Variants in LMO7 observed in about 807,000 individuals in gnomAD.
LMO7 encodes LIM domain 7, also known as LIM domain only protein 7.
A neutral mutation model predicts 206.5 loss-of-function variants in LMO7; 120 were observed. That is an observed-to-expected ratio of 0.58 (90% CI 0.50 to 0.68). The LOEUF is 0.68. Among genes scored for constraint, LMO7 ranks in the 30% least tolerant of loss-of-function variants. The probability of loss-of-function intolerance (pLI) is 0.00; values close to 1 mark genes in which losing one functional copy is unlikely to be tolerated. For missense variants in LMO7, 1,959 were observed against 1,957.9 expected (o/e 1.00, Z -0.01); for synonymous variants, 706 against 681.5 (o/e 1.04, Z -0.56).
intron 1 of LMO7, among the ~76,000 whole-genome samples, chr13:75,646,835 T>G (rs1319381492): frequency 1.3e-5 from 2 of 152,204 alleles, no homozygotes; most frequent in Non-Finnish European, 2.9e-5. Flanking sequence ...TATGTGTGCC[T>G]CAGCCTCCCA....
intron 1 of LMO7, among the ~76,000 whole-genome samples, chr13:75,666,935 A>G (rs1013053792): frequency 6.6e-6 from 1 of 152,192 alleles, no homozygotes; most frequent in Non-Finnish European, 1.5e-5. Flanking sequence ...TGGTGGCTCA[A>G]ATAGATCTAA....
At chr13:75,684,489 C>T (rs147841809) in intron 1 of LMO7, among the ~76,000 whole-genome samples, 1,592 of 151,688 alleles carry the variant, frequency 0.01, 34 homozygotes, top group East Asian at 0.097. Flanking sequence ...AGGTGATCCG[C>T]CCTCCTTGGC....
At chr13:75,677,207 C>T (rs1394413967) in intron 1 of LMO7, among the ~76,000 whole-genome samples, 1 of 152,096 alleles carries the variant, frequency 6.6e-6, no homozygotes. Flanking sequence ...CATGGACCAT[C>T]CTCTACAAAA....
chr13:75,632,630 A>T (rs2035090867), upstream of LMO7, among the ~76,000 whole-genome samples: 1 of 152,242 alleles, frequency 6.6e-6, no homozygotes, highest in Non-Finnish European at 1.5e-5. Context: ...CAGATCCCCA[A>T]GGCTGTGCAC....
chr13:75,705,086 G>C (rs2042558651), intron 1 of LMO7, among the ~76,000 whole-genome samples: 1 of 152,160 alleles, frequency 6.6e-6, no homozygotes, highest in Non-Finnish European at 1.5e-5. Flanking sequence ...TATGCCCTCG[G>C]GAGGCCGCTC....
At position 75,809,054 on chromosome 13, in the gene LMO7, C is replaced by T. The variant is rs571390820; in HGVS notation, c.1917-100C>T. 4 of 854,392 alleles carry T rather than the reference C, an allele frequency of 4.7e-6. No homozygotes were observed. In the East Asian group the frequency reaches 9.8e-5, roughly 21 times the overall value. The allele number at this position is 854,392 out of a possible 1,614,324, so 52.9% of individuals were successfully genotyped here. A position where few individuals can be genotyped will look rare whatever the true frequency, so the allele number is the denominator to read the frequency against. ...GAAGAAGTGACCTTTTGAGATTTGTCCGTCTCCAGTTAGATTCTTAAGTGG... is the reference window on the plus strand; with the variant it reads ...GAAGAAGTGACCTTTTGAGATTTGTTCGTCTCCAGTTAGATTCTTAAGTGG... On this transcript the variant is annotated intron_variant, in intron 10 of 30. Transcript: ENST00000377534.
chr13:75,634,741 A>AAAAC (rs200614156), upstream of LMO7, among the ~76,000 whole-genome samples: 739 of 151,930 alleles, frequency 4.9e-3, 4 homozygotes, highest in African/African-American at 0.017. Flanking sequence ...AGACTCCTCA[A>AAAAC]AAACAAACAA....
At chr13:75,780,096 G>A (rs982761624) in intron 4 of LMO7, among the ~76,000 whole-genome samples, 1 of 152,156 alleles carries the variant, frequency 6.6e-6, no homozygotes, top group Non-Finnish European at 1.5e-5. Context: ...CAAATGGGCA[G>A]GGCAAGGTCA....
chr13:75,805,344 G>A, intron 8 of LMO7, 135 bp from the exon 9 acceptor site: 1 of 1,029,444 alleles, frequency 9.7e-7, no homozygotes, highest in Non-Finnish European at 1.4e-6. Context: ...CCTAGGAGCT[G>A]TGGTGGTGAT....
intron 25 of LMO7, among the ~76,000 whole-genome samples, chr13:75,843,872 G>A (rs80154495): frequency 0.011 from 1,641 of 152,136 alleles, 32 homozygotes; most frequent in East Asian, 0.095. Context: ...ACAAGCAGCC[G>A]GGATGACTGA....
intron 1 of LMO7, among the ~76,000 whole-genome samples, chr13:75,696,324 C>T (rs1450800385): frequency 6.6e-6 from 1 of 152,016 alleles, no homozygotes; most frequent in Non-Finnish European, 1.5e-5. Flanking sequence ...CATTGCACTC[C>T]AGCCTGGGCG....
At chr13:75,827,488 C>G (rs1451159656) in intron 15 of LMO7, among the ~76,000 whole-genome samples, 2 of 152,188 alleles carry the variant, frequency 1.3e-5, no homozygotes, top group South Asian at 2.1e-4. Flanking sequence ...TCCTTTTCAT[C>G]CTCATAGCTG....
chr13:75,809,269 T>C, intron 11 of LMO7, 86 bp downstream of exon 11: 2 of 1,149,024 alleles, frequency 1.7e-6, no homozygotes, highest in South Asian at 1.3e-5. Flanking sequence ...GGCATGTCAC[T>C]AAATGGGGTT....
chr13:75,789,487 C>A (rs1025469332), intron 4 of LMO7, among the ~76,000 whole-genome samples: 3 of 152,128 alleles, frequency 2.0e-5, no homozygotes, highest in African/African-American at 7.2e-5. Context: ...TTTACTCCCA[C>A]GTGGGGAAAA....
chr13:75,678,514 T>C (rs1359856877), intron 1 of LMO7, among the ~76,000 whole-genome samples: 2 of 152,168 alleles, frequency 1.3e-5, no homozygotes, highest in Non-Finnish European at 2.9e-5. Flanking sequence ...AATGGGGCTC[T>C]GTGAGCAAAG....
At chr13:75,737,862 A>AAC (rs1226223290) in intron 3 of LMO7, among the ~76,000 whole-genome samples, 18 of 147,350 alleles carry the variant, frequency 1.2e-4, no homozygotes, top group Admixed American at 4.7e-4. Context: ...AAAAAAAAAA[A>AAC]AACACAGTAC....
chr13:75,853,001 A>C, intron 27 of LMO7, 91 bp from the exon 28 acceptor site: 1 of 1,086,632 alleles, frequency 9.2e-7, no homozygotes, highest in Non-Finnish European at 1.3e-6. Context: ...ATAAAATATA[A>C]AAATGGATTT....
rs769387640 is a variant in LMO7 at position 75,805,589 on chromosome 13, C to A, written c.1025C>A (p.Pro342His). The A allele has an allele frequency of 2.5e-6, 4 of 1,614,048 alleles. No homozygotes were observed. In the Admixed American group the frequency reaches 6.7e-5, roughly 27 times the overall value. Residue 342 changes from proline (P) to histidine (H), a missense_variant, in exon 9 of 31, where the codon CCC becomes CAC. Pro to His is a moderately conservative substitution (Grantham distance 77). Coordinates refer to ENST00000377534, the MANE Select transcript of LMO7 (RefSeq NM_001306080.2). ...EEEKAKTRSIPNIVKDDLYVR... is the reference protein window; with the variant it reads ...EEEKAKTRSIHNIVKDDLYVR... ...GAAAAAGCAAAGACAAGAAGCATAC[C>A]CAACATTGTAAAGGATGATCTTTAT...
intron 2 of LMO7, among the ~76,000 whole-genome samples, chr13:75,714,779 A>G (rs760950886): frequency 8.5e-5 from 13 of 152,168 alleles, no homozygotes; most frequent in Admixed American, 2.0e-4. Context: ...TGAAAACAGT[A>G]TGATTTAAAT....
Sources: allele counts gnomAD v4.1 joint callset (sites outside exome capture counted in the v4.1 genomes callset), GRCh38; gene constraint gnomAD v4.1.1; transcripts MANE v1.5; gene names NCBI Gene and HGNC (gene_info 2026-07-23, HGNC 2026-07-21).